The following TBC1D4 variants were observed in gnomAD, a reference collection of about 807,000 sequenced individuals.
TBC1D4 encodes TBC1 domain family member 4.
In TBC1D4, 121 loss-of-function variants were observed where a neutral mutation model predicts 142.5. That is an observed-to-expected ratio of 0.85 (90% CI 0.73 to 0.99). The LOEUF is 0.99. Among genes scored for constraint, TBC1D4 ranks in the 50% least tolerant of loss-of-function variants. TBC1D4 has a pLI of 0.00. For missense variants in TBC1D4, 1,475 were observed against 1,606.6 expected, an observed-to-expected ratio of 0.92 and a Z score of 1.40; for synonymous variants, 630 against 628.2, an observed-to-expected ratio of 1.00 and a Z score of -0.04.
intron 3 of TBC1D4, among the ~76,000 whole-genome samples, chr13:75,357,713 G>GT (rs144458456): frequency 0.011 from 1,634 of 152,302 alleles, 16 homozygotes; most frequent in Non-Finnish European, 0.019. Context: ...GATGTGCACT[G>GT]TTAAAAATCA....
intron 10 of TBC1D4, among the ~76,000 whole-genome samples, chr13:75,325,598 G>C (rs1042971161): frequency 2.6e-5 from 4 of 152,054 alleles, no homozygotes; most frequent in Non-Finnish European, 4.4e-5. Flanking sequence ...GCAACTTTTT[G>C]TTAAATTATG....
chr13:75,426,232 G>A (rs1212592800), intron 1 of TBC1D4, among the ~76,000 whole-genome samples: 1 of 152,100 alleles, frequency 6.6e-6, no homozygotes, highest in Admixed American at 6.5e-5. Context: ...AAAATACAAT[G>A]AGATACCACC....
At chr13:75,453,363 A>G (rs927446294) in intron 1 of TBC1D4, among the ~76,000 whole-genome samples, 8 of 152,058 alleles carry the variant, frequency 5.3e-5, no homozygotes, top group African/African-American at 1.9e-4. Flanking sequence ...TTTTTAATAC[A>G]ATAATAACAT....
chr13:75,287,803 G>C (rs1874852371), intron 20 of TBC1D4, among the ~76,000 whole-genome samples: 1 of 152,120 alleles, frequency 6.6e-6, no homozygotes. Flanking sequence ...GTCTTGACAG[G>C]GGACTCACCA....
chr13:75,416,280 A>G (rs548324026), intron 1 of TBC1D4, among the ~76,000 whole-genome samples: 2 of 152,364 alleles, frequency 1.3e-5, no homozygotes, highest in South Asian at 4.1e-4. Context: ...CAGTATCTTT[A>G]TAGCCTCTCT....
chr13:75,412,465 T>C (rs149988270), intron 1 of TBC1D4, among the ~76,000 whole-genome samples: 2 of 151,654 alleles, frequency 1.3e-5, no homozygotes, highest in Admixed American at 6.6e-5. Flanking sequence ...CACACGGTTA[T>C]TTTTTTTATT....
chr13:75,398,262 G>T (rs1263415736), intron 1 of TBC1D4, among the ~76,000 whole-genome samples: 1 of 152,200 alleles, frequency 6.6e-6, no homozygotes, highest in Non-Finnish European at 1.5e-5. Context: ...GAGGTGGTTT[G>T]TTACGCAATG....
At chr13:75,315,783 C>G (rs547662265) in intron 12 of TBC1D4, among the ~76,000 whole-genome samples, 27 of 152,210 alleles carry the variant, frequency 1.8e-4, no homozygotes, top group African/African-American at 6.5e-4. Flanking sequence ...AATAAAAGAT[C>G]TACCTTCTTA....
intron 1 of TBC1D4, among the ~76,000 whole-genome samples, chr13:75,449,993 A>G (rs1273103080): frequency 6.6e-6 from 1 of 152,176 alleles, no homozygotes; most frequent in Non-Finnish European, 1.5e-5. Context: ...ATGAACTCTG[A>G]TACATTTTAT....
At chr13:75,422,791 T>C (rs759823326) in intron 1 of TBC1D4, among the ~76,000 whole-genome samples, 10 of 152,162 alleles carry the variant, frequency 6.6e-5, no homozygotes, top group Non-Finnish European at 1.0e-4. Flanking sequence ...TCACAGAATA[T>C]TTGGGATTAT....
At position 75,481,800 on chromosome 13, in the gene TBC1D4, G is replaced by A. The variant is rs779827323; in HGVS notation, c.-33C>T. 5.4e-6 allele frequency: 8 copies of A among 1,471,298 alleles called. No individual in the cohort carries two copies. Among genetic ancestry groups the A allele is most frequent in the Non-Finnish European group, 6.2e-6 (7 of 1,120,638 alleles). The allele number at this position is 1,471,298 out of a possible 1,614,324, so 91.1% of individuals were successfully genotyped here. A position where few individuals can be genotyped will look rare whatever the true frequency, so the allele number is the denominator to read the frequency against. ...GCCTCACCAGGGCACCGCGGAGGCC[G>A]GCCGGGCGCACCGCGCCCCCCACTC... On this transcript the variant is annotated 5_prime_UTR_variant, in exon 1 of 21. Transcript: ENST00000377636.
At chr13:75,346,796 C>T (rs554827414) in intron 5 of TBC1D4, among the ~76,000 whole-genome samples, 74 of 151,956 alleles carry the variant, frequency 4.9e-4, no homozygotes, top group Non-Finnish European at 9.6e-4. Flanking sequence ...ATACTATGTA[C>T]TTTTCCATAT....
chr13:75,299,579 A>G lies in TBC1D4; in HGVS notation c.2912-5T>C. On this transcript the variant is annotated splice_polypyrimidine_tract_variant and splice_region_variant and intron_variant, in intron 16 of 20. Transcript: ENST00000377636. ...GGTGAGTAGGAAACGTCCTTCCTGCAGAGGAAAAGAAGGAAAATATTTTTT... is the reference window on the plus strand; with the variant it reads ...GGTGAGTAGGAAACGTCCTTCCTGCGGAGGAAAAGAAGGAAAATATTTTTT... 1 of 1,614,080 alleles carries G rather than the reference A, an allele frequency of 6.2e-7. No individual in the cohort carries two copies. Among genetic ancestry groups the G allele is most frequent in the Non-Finnish European group, 8.5e-7 (1 of 1,180,014 alleles).
In TBC1D4 at chr13:75,324,379, T is replaced by C. The variant is rs1879042174; in HGVS notation, c.2056A>G (p.Met686Val). 6.2e-7 allele frequency: 1 copy of C among 1,613,878 alleles called. No homozygotes were observed. The highest frequency in any genetic ancestry group is 8.5e-7 in the Non-Finnish European group (1 of 1,179,906). ...GAGGAAGAATTACTCTCCTTGTACATGCGTCGAACTGACGAAAGATTGCTG... is the reference window on the plus strand; with the variant it reads ...GAGGAAGAATTACTCTCCTTGTACACGCGTCGAACTGACGAAAGATTGCTG... ...QCSNLSSVRR[M>V]YKESNSSSSL... Residue 686 changes from methionine (M) to valine (V), a missense_variant, in exon 11 of 21, where the codon ATG (methionine) becomes GTG (valine). This residue lies in a region of TBC1D4 where 1,227 missense variants were observed against 1,267.7 expected (regional missense o/e 0.97). Transcript: ENST00000377636.
At chr13:75,349,020 G>A in intron 5 of TBC1D4, 150 bp downstream of exon 5, 2 of 1,001,084 alleles carry the variant, frequency 2.0e-6, no homozygotes, top group Admixed American at 1.8e-5. Flanking sequence ...GAGATTGACA[G>A]CCCACTCACA....
intron 1 of TBC1D4, among the ~76,000 whole-genome samples, chr13:75,425,514 C>A (rs2138138237): frequency 6.6e-6 from 1 of 152,302 alleles, no homozygotes; most frequent in African/African-American, 2.4e-5. Flanking sequence ...GGTATCTATA[C>A]TATCATGTCC....
intron 16 of TBC1D4, among the ~76,000 whole-genome samples, chr13:75,301,747 C>T (rs1262143613): frequency 6.6e-6 from 1 of 152,142 alleles, no homozygotes; most frequent in Non-Finnish European, 1.5e-5. Flanking sequence ...GTTTCACTCA[C>T]CCTATAGGTG....
chr13:75,388,515 C>G (rs1434608753), intron 1 of TBC1D4, among the ~76,000 whole-genome samples: 1 of 152,138 alleles, frequency 6.6e-6, no homozygotes, highest in Non-Finnish European at 1.5e-5. Flanking sequence ...TGAAGTGGGT[C>G]TGGCTGGGTT....
At chr13:75,302,731 G>T (rs924452686) in intron 15 of TBC1D4, 2 of 367,314 alleles carry the variant, frequency 5.4e-6, no homozygotes, top group Non-Finnish European at 1.0e-5. Flanking sequence ...CAACTATAAG[G>T]TAGGCAATTA....
Sources: allele counts gnomAD v4.1 joint callset (sites outside exome capture counted in the v4.1 genomes callset), GRCh38; gene constraint gnomAD v4.1.1; regional missense constraint gnomAD v4.1.1; transcripts MANE v1.5; gene names NCBI Gene and HGNC (gene_info 2026-07-23, HGNC 2026-07-21).